The following GTF2H5 variants were observed in gnomAD, a reference collection of about 807,000 sequenced individuals.
GTF2H5 encodes general transcription factor IIH subunit 5.
A neutral mutation model predicts 7.1 loss-of-function variants in GTF2H5; 5 were observed. The observed-to-expected ratio is 0.71, with a 90% CI of 0.37 to 1.49. The LOEUF is 1.49. GTF2H5 is among the 40% of genes most tolerant of loss of function. GTF2H5 has a pLI of 0.03. For missense variants in GTF2H5, 80 were observed against 83.0 expected (o/e 0.96, Z 0.14); for synonymous variants, 30 against 31.7 (o/e 0.95, Z 0.18).
intron 2 of GTF2H5, among the ~76,000 whole-genome samples, chr6:158,189,689 A>G (rs918508064): frequency 1.3e-5 from 2 of 152,060 alleles, no homozygotes; most frequent in African/African-American, 4.8e-5. Context: ...AGAGTCCCAC[A>G]CCTCTTCCTA....
Position 158,192,414 on chromosome 6 carries a change from A to G in GTF2H5, c.*257A>G, listed in dbSNP as rs1033403729. The G allele has an allele frequency of 4.8e-5, 21 of 433,470 alleles. No homozygotes were observed. The highest frequency in any genetic ancestry group is 2.8e-4 in the East Asian group (6 of 21,442). 26.9% of individuals were successfully genotyped at this position (433,470 alleles called of 1,614,324 possible). A position where few individuals can be genotyped will look rare whatever the true frequency, so the allele number is the denominator to read the frequency against. On this transcript the variant is annotated 3_prime_UTR_variant, in exon 3 of 3. Transcript: ENST00000607778. ...ATCCTTTATTAAAATACAAATGTCA[A>G]TGCTTTTCCTGCCTTTTTAATACCA...
chr6:158,191,225 C>A (rs1777020440), intron 2 of GTF2H5, among the ~76,000 whole-genome samples: 1 of 152,036 alleles, frequency 6.6e-6, no homozygotes, highest in East Asian at 1.9e-4. Context: ...TGATATACAC[C>A]CTGCCTGACC....
At chr6:158,177,467 G>A (rs1007562664) in intron 2 of GTF2H5, among the ~76,000 whole-genome samples, 14 of 152,166 alleles carry the variant, frequency 9.2e-5, no homozygotes, top group African/African-American at 3.1e-4. Flanking sequence ...AAAGCTGATG[G>A]GGACTTTTTG....
intron 1 of GTF2H5, among the ~76,000 whole-genome samples, chr6:158,169,700 A>ATATATTGTATATTATATAT (rs1785794508): frequency 1.2e-5 from 1 of 81,934 alleles, no homozygotes; most frequent in Non-Finnish European, 2.1e-5. Context: ...ATATTATATA[A>ATATATTGTATATTATATAT]TATATTGTAT....
chr6:158,169,678 AATATATAATATATATT>A (rs1424528412), intron 1 of GTF2H5, among the ~76,000 whole-genome samples: 1 of 48,886 alleles, frequency 2.0e-5, no homozygotes, highest in Admixed American at 3.9e-4. Context: ...TATATTATAT[AATATATAATATATATT>A]ATATAATATA....
chr6:158,170,884 AAAAC>A (rs1785845969), intron 2 of GTF2H5, among the ~76,000 whole-genome samples: 1 of 152,240 alleles, frequency 6.6e-6, no homozygotes, highest in Non-Finnish European at 1.5e-5. Flanking sequence ...AAAAAAGAGA[AAAAC>A]AACAGAGCCA....
At chr6:158,168,420 T>TGGG (rs1482895666) in intron 1 of GTF2H5, 25 bp downstream of exon 1, 1 of 152,284 alleles carries the variant, frequency 6.6e-6, no homozygotes, top group Non-Finnish European at 1.5e-5. Context: ...TCCGAGCGGC[T>TGGG]GGGGAAAGTG....
At position 158,169,660 on chromosome 6, in the gene GTF2H5, A is replaced by ATTG. The variant is rs1583625395; in HGVS notation, c.-34-809_-34-808insTGT. On this transcript the variant is annotated intron_variant, in intron 1 of 2. Coordinates refer to ENST00000607778, the MANE Select transcript of GTF2H5 (RefSeq NM_207118.3). The stretch of plus-strand genomic sequence containing the variant: ...TTACATATATTGTATATTACATATA[A>ATTG]TATATTGTATATTATATAATATATA... 3.5e-5 allele frequency among the ~76,000 whole-genome samples: 3 copies of ATTG among 84,684 alleles called. 1 individual carries two copies. The highest frequency in any genetic ancestry group is 7.3e-4 in the East Asian group (2 of 2,736). 55.6% of individuals were successfully genotyped at this position (84,684 alleles called of 152,430 possible).
intron 1 of GTF2H5, among the ~76,000 whole-genome samples, chr6:158,169,494 A>G (rs1325214704): frequency 1.1e-4 from 6 of 55,750 alleles, no homozygotes; most frequent in Middle Eastern, 0.012. Context: ...TATATTGTAT[A>G]TTATATAATA....
At chr6:158,182,770 A>G (rs1159422115) in intron 2 of GTF2H5, among the ~76,000 whole-genome samples, 1 of 152,012 alleles carries the variant, frequency 6.6e-6, no homozygotes, top group Non-Finnish European at 1.5e-5. Context: ...CTAGTTAACC[A>G]TTCGTCTAAA....
chr6:158,186,091 G>T lies in GTF2H5; in HGVS notation c.36-5886G>T, dbSNP rs538031970. On this transcript the variant is annotated intron_variant, in intron 2 of 2. Coordinates refer to ENST00000607778, the MANE Select transcript of GTF2H5 (RefSeq NM_207118.3). The stretch of plus-strand genomic sequence containing the variant: ...ATATCAAACTCTTGGTTTTATGCCA[G>T]ATGAAACGTTAGTTGATTTAAAGGC... Among the ~76,000 whole-genome samples, 66 of 152,330 alleles carry T rather than the reference G, an allele frequency of 4.3e-4. 1 individual carries two copies. The South Asian group carries it at 0.012, about 29-fold the overall frequency.
chr6:158,189,727 T>C (rs1424430109), intron 2 of GTF2H5, among the ~76,000 whole-genome samples: 1 of 152,224 alleles, frequency 6.6e-6, no homozygotes, highest in Non-Finnish European at 1.5e-5. Flanking sequence ...CTGGTCGTTG[T>C]AGCAAAATTT....
chr6:158,169,681 ATATAATATATATTATATAATATATTG>A (rs1785785235), intron 1 of GTF2H5, among the ~76,000 whole-genome samples: 4 of 52,512 alleles, frequency 7.6e-5, no homozygotes, highest in Non-Finnish European at 1.2e-4. Context: ...ATTATATAAT[ATATAATATATATTATATAATATATTG>A]TATATTATAT....
intron 1 of GTF2H5, among the ~76,000 whole-genome samples, chr6:158,170,085 T>G (rs1785832813): frequency 6.6e-6 from 1 of 151,986 alleles, no homozygotes. Flanking sequence ...GAAGCACCTT[T>G]CAGAACTATC....
At chr6:158,189,485 C>T (rs760170235) in intron 2 of GTF2H5, among the ~76,000 whole-genome samples, 1 of 152,190 alleles carries the variant, frequency 6.6e-6, no homozygotes, top group Non-Finnish European at 1.5e-5. Context: ...TGTCCTCCAC[C>T]TCATCACAGC....
intron 2 of GTF2H5, 78 bp downstream of exon 2, chr6:158,170,616 CTGT>C: frequency 4.7e-6 from 5 of 1,053,850 alleles, no homozygotes; most frequent in Non-Finnish European, 7.4e-6. Flanking sequence ...TTCTAAAACC[CTGT>C]TGTTTTTAAG....
intron 2 of GTF2H5, among the ~76,000 whole-genome samples, chr6:158,175,000 T>C (rs1047422576): frequency 1.8e-5 from 2 of 110,110 alleles, no homozygotes; most frequent in Admixed American, 2.5e-4. Flanking sequence ...CACCCAAAAC[T>C]GTGCCTGAGA....
At position 158,169,638 on chromosome 6, in the gene GTF2H5, C is replaced by T. The variant is rs565252973; in HGVS notation, c.-34-832C>T. On this transcript the variant is annotated intron_variant, in intron 1 of 2. Coordinates refer to ENST00000607778, the MANE Select transcript of GTF2H5 (RefSeq NM_207118.3). Reference sequence around the variant, plus strand: ...ATTACATATAATATATTGTATATTACATATATTGTATATTACATATAATAT... The same window carrying T: ...ATTACATATAATATATTGTATATTATATATATTGTATATTACATATAATAT... Among the ~76,000 whole-genome samples the T allele has an allele frequency of 3.6e-3, 161 of 44,364 alleles. 6 individuals carry two copies. The highest frequency in any genetic ancestry group is 9.7e-3 in the Admixed American group (20 of 2,058). 29.1% of individuals were successfully genotyped at this position (44,364 alleles called of 152,430 possible).
At chr6:158,176,646 A>T (rs1479663835) in intron 2 of GTF2H5, among the ~76,000 whole-genome samples, 24 of 152,214 alleles carry the variant, frequency 1.6e-4, no homozygotes, top group Non-Finnish European at 2.9e-5. Flanking sequence ...GGAGACCCTA[A>T]CCCAGCAGCG....
Sources: gnomAD v4.1 joint callset for allele counts (sites outside exome capture counted in the v4.1 genomes callset) on GRCh38, gnomAD v4.1.1 for gene constraint, MANE v1.5 for transcripts, NCBI Gene and HGNC (gene_info 2026-07-23, HGNC 2026-07-21) for gene names.